BNC2: variants seen among roughly 807,000 people sequenced by gnomAD.
BNC2 encodes zinc finger protein basonuclin-2.
In BNC2, 20 loss-of-function variants were observed where a neutral mutation model predicts 76.3. The ratio of observed to expected loss-of-function variants is 0.26; its 90% CI spans 0.18 to 0.38. The LOEUF (loss-of-function observed/expected upper bound fraction) is 0.38, where lower values mean the gene tolerates loss of function less well. Among genes scored for constraint, BNC2 ranks in the 10% least tolerant of loss-of-function variants. The probability of loss-of-function intolerance (pLI) is 1.00; values close to 1 mark genes in which losing one functional copy is unlikely to be tolerated. For synonymous variants in BNC2, 582 were observed against 514.8 expected (o/e 1.13, Z -1.77); for missense variants, 1,382 against 1,399.8 (o/e 0.99, Z 0.20).
intron 3 of BNC2, among the ~76,000 whole-genome samples, chr9:16,686,490 C>G (rs1218085224): frequency 1.3e-5 from 2 of 152,070 alleles, no homozygotes; most frequent in African/African-American, 4.8e-5. Flanking sequence ...CATACTTATA[C>G]TACTCACACT....
intron 2 of BNC2, among the ~76,000 whole-genome samples, chr9:16,737,238 C>CTTTTTTTTTTTTTTTTTTTTTTTTTTT (rs559930240): frequency 1.1e-5 from 1 of 91,302 alleles, no homozygotes; most frequent in Non-Finnish European, 2.0e-5. Context: ...CACACCTGGC[C>CTTTTTTTTTTTTTTTTTTTTTTTTTTT]TTTTTTTTTT....
At chr9:16,797,056 G>C (rs1586891706) in intron 1 of BNC2, among the ~76,000 whole-genome samples, 2 of 152,094 alleles carry the variant, frequency 1.3e-5, no homozygotes, top group East Asian at 3.8e-4. Context: ...CAACAGGAAT[G>C]ATAAAAGTAA....
At chr9:16,591,650 G>C (rs991395400) in intron 3 of BNC2, among the ~76,000 whole-genome samples, 1 of 152,094 alleles carries the variant, frequency 6.6e-6, no homozygotes. Flanking sequence ...GGGTCCACAA[G>C]CATGTTAAAC....
chr9:16,493,746 G>A (rs1822326049), intron 5 of BNC2, among the ~76,000 whole-genome samples: 1 of 152,158 alleles, frequency 6.6e-6, no homozygotes, highest in Non-Finnish European at 1.5e-5. Context: ...GCACAGCAGG[G>A]GGCTAAGGCA....
At chr9:16,855,855 T>G (rs1339240532) in intron 1 of BNC2, among the ~76,000 whole-genome samples, 2 of 152,124 alleles carry the variant, frequency 1.3e-5, no homozygotes, top group Non-Finnish European at 2.9e-5. Flanking sequence ...GCCACATCTT[T>G]TTTATTTTTA....
At chr9:16,592,999 G>A (rs1219976316) in intron 3 of BNC2, among the ~76,000 whole-genome samples, 2 of 151,740 alleles carry the variant, frequency 1.3e-5, no homozygotes, top group Non-Finnish European at 2.9e-5. Context: ...TATTTGCGGG[G>A]CAAAAAAGCA....
At chr9:16,736,429 T>C (rs1200414608) in intron 2 of BNC2, among the ~76,000 whole-genome samples, 6 of 45,428 alleles carry the variant, frequency 1.3e-4, no homozygotes, top group Non-Finnish European at 1.9e-4. Context: ...AAAATTTTTA[T>C]AGAAACAGAG....
intron 5 of BNC2, among the ~76,000 whole-genome samples, chr9:16,547,436 C>A (rs905612385): frequency 1.3e-5 from 2 of 152,236 alleles, no homozygotes; most frequent in African/African-American, 4.8e-5. Context: ...CCAAGCTAAA[C>A]AGGTTTCCCT....
chr9:16,610,753 A>G (rs1820521887), intron 3 of BNC2, among the ~76,000 whole-genome samples: 1 of 152,210 alleles, frequency 6.6e-6, no homozygotes, highest in African/African-American at 2.4e-5. Flanking sequence ...CCAGGGGTAC[A>G]ACATCATACA....
In BNC2 at chr9:16,541,347, T is replaced by C. The variant is rs1302085865; in HGVS notation, c.669+11183A>G. Among the ~76,000 whole-genome samples the C allele has an allele frequency of 2.0e-5, 3 of 152,324 alleles. No homozygotes were observed. The East Asian group carries it at 5.8e-4, about 29-fold the overall frequency. On this transcript the variant is annotated intron_variant, in intron 5 of 6. Coordinates refer to ENST00000380672, the MANE Select transcript of BNC2 (RefSeq NM_017637.6). ...GTTTCCCTGGCTCAGCTATTATGAA[T>C]TGGAACCCTGATTCAGAATTGAAAA... is the stretch of plus-strand genomic sequence containing the variant.
At chr9:16,785,343 G>A (rs902800209) in intron 1 of BNC2, among the ~76,000 whole-genome samples, 1 of 152,120 alleles carries the variant, frequency 6.6e-6, no homozygotes, top group Admixed American at 6.5e-5. Flanking sequence ...GAGGCCACGG[G>A]GAAAGTAAGG....
chr9:16,641,506 T>C, intron 3 of BNC2, among the ~76,000 whole-genome samples: 1 of 152,232 alleles, frequency 6.6e-6, no homozygotes, highest in East Asian at 1.9e-4. Context: ...GTTGCCTCTA[T>C]TTAATTAATT....
rs186049387 is a variant in BNC2, at chr9:16,554,367, C to G, written c.434-1602G>C. ...TCATGTACTCTTGATAAATTGCTTT[C>G]TTACATCCACAGTGTAAAGGCCCTT... On this transcript the variant is annotated intron_variant, in intron 4 of 6. Transcript: ENST00000380672. Among the ~76,000 whole-genome samples the G allele has an allele frequency of 6.0e-4, 91 of 152,286 alleles. No homozygotes were observed. The Middle Eastern group carries it at 0.02, about 34-fold the overall frequency.
intron 3 of BNC2, among the ~76,000 whole-genome samples, chr9:16,707,229 A>G (rs532659862): frequency 4.4e-4 from 66 of 148,610 alleles, no homozygotes; most frequent in Non-Finnish European, 8.0e-4. Flanking sequence ...ACAGCAATAG[A>G]CATTTGATTT....
At chr9:16,722,047 C>CT (rs1434449680) in intron 3 of BNC2, among the ~76,000 whole-genome samples, 2 of 152,108 alleles carry the variant, frequency 1.3e-5, no homozygotes, top group Admixed American at 1.3e-4. Context: ...CCCAATGCAA[C>CT]TTTTTTTAAG....
chr9:16,695,091 A>C (rs1823298107), intron 3 of BNC2, among the ~76,000 whole-genome samples: 1 of 152,212 alleles, frequency 6.6e-6, no homozygotes, highest in African/African-American at 2.4e-5. Context: ...CCCCAAACTG[A>C]ACATACTTTA....
chr9:16,617,123 G>A (rs545594859), intron 3 of BNC2, among the ~76,000 whole-genome samples: 2 of 152,088 alleles, frequency 1.3e-5, no homozygotes, highest in South Asian at 4.1e-4. Flanking sequence ...ATTGATATGG[G>A]GTCATGATCA....
At chr9:16,611,003 C>T (rs557004252) in intron 3 of BNC2, among the ~76,000 whole-genome samples, 11 of 152,126 alleles carry the variant, frequency 7.2e-5, no homozygotes, top group South Asian at 6.2e-4. Flanking sequence ...AGCATGAAAA[C>T]AATTTATGAA....
chr9:16,500,359 T>C (rs975815919), intron 5 of BNC2, among the ~76,000 whole-genome samples: 2 of 152,164 alleles, frequency 1.3e-5, no homozygotes, highest in Non-Finnish European at 2.9e-5. Context: ...TTATTTAATG[T>C]TTACCCTTTT....
Sources: allele counts gnomAD v4.1 joint callset (sites outside exome capture counted in the v4.1 genomes callset), GRCh38; gene constraint gnomAD v4.1.1; transcripts MANE v1.5; gene names NCBI Gene and HGNC (gene_info 2026-07-23, HGNC 2026-07-21).